Variants in CCDC178 observed in about 807,000 individuals in gnomAD.
CCDC178 encodes coiled-coil domain containing 178.
Under a neutral mutation model 117.4 loss-of-function variants are expected in CCDC178, and 126 were observed. The ratio of observed to expected loss-of-function variants is 1.07; its 90% confidence interval spans 0.93 to 1.24. CCDC178 has a LOEUF of 1.24. Ranked by LOEUF, CCDC178 falls within the 50% of genes most tolerant of loss-of-function variation. The pLI is 0.00. For synonymous variants in CCDC178, 283 were observed against 313.4 expected, an observed-to-expected ratio of 0.90 and a Z score of 1.02; for missense variants, 1,030 against 986.9, an observed-to-expected ratio of 1.04 and a Z score of -0.59.
At chr18:33,100,496 A>G (rs1192685638) in intron 20 of CCDC178, among the ~76,000 whole-genome samples, 3 of 152,012 alleles carry the variant, frequency 2.0e-5, no homozygotes, top group Non-Finnish European at 2.9e-5. Context: ...TGCATTATGC[A>G]TGAAGAAGGA....
At chr18:33,342,342 T>A (rs561698485) in intron 9 of CCDC178, among the ~76,000 whole-genome samples, 1 of 152,212 alleles carries the variant, frequency 6.6e-6, no homozygotes, top group Non-Finnish European at 1.5e-5. Flanking sequence ...GGAATAGTTA[T>A]AAGAAACAAG....
intron 11 of CCDC178, among the ~76,000 whole-genome samples, chr18:33,322,497 C>T (rs916905612): frequency 6.6e-6 from 1 of 151,656 alleles, no homozygotes; most frequent in Non-Finnish European, 1.5e-5. Flanking sequence ...TAAGACTGAA[C>T]AATTTTCATG....
intron 2 of CCDC178, among the ~76,000 whole-genome samples, chr18:33,424,604 CAGAG>C (rs2064089101): frequency 6.6e-6 from 1 of 152,158 alleles, no homozygotes; most frequent in African/African-American, 2.4e-5. Context: ...CAGAAAGAGA[CAGAG>C]AGAGAACCAC....
chr18:33,318,172 G>C (rs554855823), intron 11 of CCDC178, among the ~76,000 whole-genome samples: 1 of 152,298 alleles, frequency 6.6e-6, no homozygotes, highest in East Asian at 1.9e-4. Context: ...AAGTTGAGTT[G>C]TGAGCCATGT....
intron 20 of CCDC178, among the ~76,000 whole-genome samples, chr18:33,127,721 A>T (rs1202757259): frequency 6.6e-6 from 1 of 152,172 alleles, no homozygotes; most frequent in Non-Finnish European, 1.5e-5. Context: ...GGTGTGAGCC[A>T]CCACGCCCAG....
chr18:33,338,912 T>A (rs1042005352), intron 9 of CCDC178, among the ~76,000 whole-genome samples: 1 of 152,100 alleles, frequency 6.6e-6, no homozygotes, highest in Admixed American at 6.5e-5. Context: ...TAAAATTTCC[T>A]AGTAAAATAT....
chr18:33,267,273 C>A lies in CCDC178; in HGVS notation c.1201G>T (p.Asp401Tyr). Residue 401 changes from aspartate to tyrosine, a missense_variant, in exon 13 of 23, where the codon GAC (aspartate) becomes TAC (tyrosine). Transcript: ENST00000383096. ...CTTTTTTGCTTCCAGGTTAGTTGGT[C>A]ATAAACTCTTCTCAAATCTTCCAGC... is the stretch of plus-strand genomic sequence containing the variant. The part of the protein sequence containing the change: ...KMLEDLRRVY[D>Y]QLTWKQKSHE... The A allele has an allele frequency of 6.2e-7, 1 of 1,600,238 alleles. No homozygotes were observed. The highest frequency in any genetic ancestry group is 1.1e-5 in the South Asian group (1 of 88,392).
At chr18:33,208,610 A>G (rs934596545) in intron 20 of CCDC178, among the ~76,000 whole-genome samples, 1 of 152,066 alleles carries the variant, frequency 6.6e-6, no homozygotes, top group Non-Finnish European at 1.5e-5. Flanking sequence ...GAGAATGTAG[A>G]AATGAAGAGT....
At chr18:33,285,436 G>T (rs2060087231) in intron 12 of CCDC178, among the ~76,000 whole-genome samples, 1 of 152,078 alleles carries the variant, frequency 6.6e-6, no homozygotes, top group African/African-American at 2.4e-5. Context: ...AATTATTTAG[G>T]TAATAAGAAT....
chr18:33,072,390 A>C (rs1052742696), intron 21 of CCDC178, among the ~76,000 whole-genome samples: 3 of 152,182 alleles, frequency 2.0e-5, no homozygotes, highest in Non-Finnish European at 4.4e-5. Flanking sequence ...TATTGAGCCT[A>C]TGGTCAAAAG....
intron 18 of CCDC178, among the ~76,000 whole-genome samples, chr18:33,217,123 C>T (rs749600442): frequency 1.9e-4 from 29 of 152,142 alleles, no homozygotes; most frequent in Non-Finnish European, 2.8e-4. Context: ...AGATCACCAA[C>T]GGACTTGTTT....
chr18:33,371,961 C>G (rs2063307587), intron 5 of CCDC178, among the ~76,000 whole-genome samples: 1 of 152,038 alleles, frequency 6.6e-6, no homozygotes. Flanking sequence ...CAAGCAGTCA[C>G]TGTTACAGTC....
chr18:33,035,613 G>A (rs947127237), intron 21 of CCDC178, among the ~76,000 whole-genome samples: 1 of 151,966 alleles, frequency 6.6e-6, no homozygotes, highest in African/African-American at 2.4e-5. Context: ...CGCAGGGGCT[G>A]GGGATTGGGA....
At chr18:33,308,411 C>T (rs1361846012) in intron 11 of CCDC178, among the ~76,000 whole-genome samples, 1 of 152,204 alleles carries the variant, frequency 6.6e-6, no homozygotes, top group Non-Finnish European at 1.5e-5. Context: ...CTTGTACCCC[C>T]ATTGTGTCTA....
At chr18:33,359,553 G>A (rs1694917952) in intron 6 of CCDC178, among the ~76,000 whole-genome samples, 1 of 151,214 alleles carries the variant, frequency 6.6e-6, no homozygotes, top group African/African-American at 2.4e-5. Flanking sequence ...TGAAAAATCT[G>A]GACAAATTTT....
At chr18:33,347,066 C>G (rs994049428) in intron 8 of CCDC178, among the ~76,000 whole-genome samples, 1 of 152,032 alleles carries the variant, frequency 6.6e-6, no homozygotes, top group East Asian at 1.9e-4. Flanking sequence ...ATGTGTAGAG[C>G]CCATTACGTT....
At chr18:33,287,091 C>CA (rs58732974) in intron 12 of CCDC178, among the ~76,000 whole-genome samples, 138,630 of 152,090 alleles carry the variant, frequency 0.91, 63,298 homozygotes, top group East Asian at 1. Flanking sequence ...TTCATAGATC[C>CA]ATGACACAAA....
At chr18:32,952,156 G>C (rs571471537) in intron 22 of CCDC178, among the ~76,000 whole-genome samples, 16 of 152,300 alleles carry the variant, frequency 1.1e-4, no homozygotes, top group African/African-American at 2.9e-4. Context: ...TACCATTTTG[G>C]AGTTTGGAGG....
At chr18:33,100,584 A>G (rs1480119097) in intron 20 of CCDC178, among the ~76,000 whole-genome samples, 1 of 151,964 alleles carries the variant, frequency 6.6e-6, no homozygotes, top group Non-Finnish European at 1.5e-5. Context: ...AGTTTCAAGG[A>G]AGCATCAGTT....
Sources: gnomAD v4.1 joint callset for allele counts (sites outside exome capture counted in the v4.1 genomes callset) on GRCh38, gnomAD v4.1.1 for gene constraint, MANE v1.5 for transcripts, NCBI Gene and HGNC (gene_info 2026-07-23, HGNC 2026-07-21) for gene names.